The following YY1 variants were observed in gnomAD, a reference collection of about 807,000 sequenced individuals.
The protein encoded by YY1 is transcriptional repressor protein YY1.
YY1 carries 2 observed loss-of-function variants against 35.6 expected under a neutral mutation model. The observed-to-expected ratio is 0.06, with a 90% CI of 0.02 to 0.18. YY1 has a LOEUF of 0.18. Among genes scored for constraint, YY1 ranks in the 10% least tolerant of loss-of-function variants. The pLI is 1.00. For synonymous variants in YY1, 268 were observed against 238.9 expected, an observed-to-expected ratio of 1.12 and a Z score of -1.12; for missense variants, 322 against 573.4, an observed-to-expected ratio of 0.56 and a Z score of 4.48.
At chr14:100,258,798 A>G (rs993459025) in intron 1 of YY1, among the ~76,000 whole-genome samples, 6 of 152,240 alleles carry the variant, frequency 3.9e-5, no homozygotes, top group Admixed American at 3.3e-4. Flanking sequence ...TAGAATGAAG[A>G]GTGGTGGAAT....
At chr14:100,268,454 C>T (rs1180410408) in intron 2 of YY1, among the ~76,000 whole-genome samples, 1 of 152,150 alleles carries the variant, frequency 6.6e-6, no homozygotes, top group Admixed American at 6.5e-5. Flanking sequence ...TGTAAAGTGA[C>T]CACCTTTGTA....
chr14:100,276,785 C>G lies in YY1; in HGVS notation c.1062+137C>G. 1.5e-6 allele frequency: 2 copies of G among 1,343,112 alleles called. No individual in the cohort carries two copies. Among genetic ancestry groups the G allele is most frequent in the East Asian group, 2.4e-5 (1 of 42,066 alleles). The allele number at this position is 1,343,112 out of a possible 1,614,324, so 83.2% of individuals were successfully genotyped here. A position where few individuals can be genotyped will look rare whatever the true frequency, so the allele number is the denominator to read the frequency against. On this transcript the variant is annotated intron_variant, in intron 4 of 4. Transcript: ENST00000262238. This position sits in a 1 kb window ranked among gnomAD's most constrained non-coding sequence, Gnocchi z 4.1. ...TACTCCTTGGTGAGAAACAAAACTTCTCCTGGGGAGTCGCTTAGAAGGGTT... is the reference window on the plus strand; with the variant it reads ...TACTCCTTGGTGAGAAACAAAACTTGTCCTGGGGAGTCGCTTAGAAGGGTT...
intron 1 of YY1, among the ~76,000 whole-genome samples, chr14:100,244,354 TCTCA>T: frequency 7.5e-6 from 1 of 132,678 alleles, no homozygotes; most frequent in Admixed American, 8.0e-5. Flanking sequence ...GAGACAGGGG[TCTCA>T]CTCTGGCACC....
At chr14:100,271,610 C>CGAAATTT (rs1891239695) in intron 2 of YY1, among the ~76,000 whole-genome samples, 1 of 151,658 alleles carries the variant, frequency 6.6e-6, no homozygotes, top group African/African-American at 2.4e-5. Flanking sequence ...GGTTTAAATA[C>CGAAATTT]GAAATTTGAA....
Position 100,239,419 on chromosome 14 carries a change from CACGGCG to C in YY1, c.176_181del (p.His59_Gly61delinsArg), listed in dbSNP as rs760981182. On this transcript the variant is annotated inframe_deletion, in exon 1 of 5. Coordinates refer to ENST00000262238, the MANE Select transcript of YY1 (RefSeq NM_003403.5). ...CGACGAGGACGGCGGCGGTGGCGACCACGGCGGCGGGGGCGGCCACGGGCACGCCGG... is the reference window on the plus strand; with the variant it reads ...CGACGAGGACGGCGGCGGTGGCGACCGCGGGGGCGGCCACGGGCACGCCGG... The C allele has an allele frequency of 3.1e-5, 50 of 1,593,786 alleles. No homozygotes were observed. Among genetic ancestry groups the C allele is most frequent in the Non-Finnish European group, 4.0e-5 (47 of 1,171,852 alleles).
chr14:100,261,701 A>G (rs573413615), intron 1 of YY1, among the ~76,000 whole-genome samples: 3 of 152,330 alleles, frequency 2.0e-5, no homozygotes, highest in East Asian at 3.9e-4. Flanking sequence ...CCATGATACA[A>G]CTGGGGAGCT....
rs1891395096 is a variant in YY1 at position 100,280,230 on chromosome 14, A to G, written c.*2630A>G. On this transcript the variant is annotated 3_prime_UTR_variant, in exon 5 of 5. Coordinates refer to ENST00000262238, the MANE Select transcript of YY1 (RefSeq NM_003403.5). ...AATTTATAATTTTGCTAACGATGTA[A>G]TTTACTAAGGTTTGAAATGGTATTC... 1.3e-5 allele frequency: 2 copies of G among 152,190 alleles called. No homozygotes were observed. The highest frequency in any genetic ancestry group is 2.1e-4 in the South Asian group (1 of 4,834). 9.4% of individuals were successfully genotyped at this position (152,190 alleles called of 1,614,324 possible).
At chr14:100,246,211 G>T (rs539538699) in intron 1 of YY1, among the ~76,000 whole-genome samples, 2 of 152,312 alleles carry the variant, frequency 1.3e-5, no homozygotes, top group African/African-American at 4.8e-5. Flanking sequence ...TTCCATACAT[G>T]GGTTTTGTGA....
chr14:100,245,046 C>T (rs996817682), intron 1 of YY1, among the ~76,000 whole-genome samples: 11 of 152,146 alleles, frequency 7.2e-5, no homozygotes, highest in African/African-American at 2.2e-4. Context: ...ACACCATTCT[C>T]CTGCCTCAGC....
chr14:100,248,548 C>G (rs1027824644), intron 1 of YY1, among the ~76,000 whole-genome samples: 1 of 152,100 alleles, frequency 6.6e-6, no homozygotes, highest in African/African-American at 2.4e-5. Flanking sequence ...CTGGAGTGCA[C>G]TGGCTATTCA....
At chr14:100,240,045 T>C in intron 1 of YY1, 122 bp downstream of exon 1, 1 of 716,284 alleles carries the variant, frequency 1.4e-6, no homozygotes, top group Non-Finnish European at 1.8e-6. Context: ...CCCCAAAAGA[T>C]GGCGGGCCGT....
At chr14:100,247,331 C>T (rs1280160216) in intron 1 of YY1, among the ~76,000 whole-genome samples, 2 of 151,372 alleles carry the variant, frequency 1.3e-5, no homozygotes, top group African/African-American at 2.4e-5. Context: ...TCTCTCTGTG[C>T]TCTTACTACT....
In YY1 at chr14:100,239,935, C is replaced by T. The variant is rs1489350553; in HGVS notation, c.679+12C>T. On this transcript the variant is annotated intron_variant, in intron 1 of 4. Transcript: ENST00000262238. ...CATGTGGTCCTCAGGTGAGCGCCGG[C>T]CGCGCGCCCCGGCCCCGGGATGTTT... 2 of 1,516,204 alleles carry T rather than the reference C, an allele frequency of 1.3e-6. No homozygotes were observed. Among genetic ancestry groups the T allele is most frequent in the African/African-American group, 1.4e-5 (1 of 69,054 alleles). 93.9% of individuals were successfully genotyped at this position (1,516,204 alleles called of 1,614,324 possible).
At chr14:100,244,945 A>T (rs928302087) in intron 1 of YY1, among the ~76,000 whole-genome samples, 6 of 142,318 alleles carry the variant, frequency 4.2e-5, no homozygotes, top group East Asian at 4.2e-4. Flanking sequence ...TTTATTTCTT[A>T]TTTTTTTTTG....
At chr14:100,243,573 G>A (rs1451894753) in intron 1 of YY1, among the ~76,000 whole-genome samples, 1 of 151,798 alleles carries the variant, frequency 6.6e-6, no homozygotes, top group Non-Finnish European at 1.5e-5. Context: ...CAGGAGGATC[G>A]CTTAAGCCCA....
intron 1 of YY1, 49 bp downstream of exon 1, chr14:100,239,972 G>C: frequency 6.7e-7 from 1 of 1,498,408 alleles, no homozygotes; most frequent in Non-Finnish European, 8.9e-7. Context: ...TGTTTTGAAG[G>C]GAAGCCATGT....
intron 1 of YY1, among the ~76,000 whole-genome samples, chr14:100,249,344 C>T (rs1425475150): frequency 6.6e-6 from 1 of 151,974 alleles, no homozygotes; most frequent in African/African-American, 2.4e-5. Context: ...TGGTCTTGAA[C>T]TCCTGACCTC....
chr14:100,268,296 A>G (rs960299012), intron 2 of YY1, among the ~76,000 whole-genome samples: 3 of 152,226 alleles, frequency 2.0e-5, no homozygotes, highest in Non-Finnish European at 4.4e-5. Context: ...ACATACGCAC[A>G]TGGGCAAAAT....
At chr14:100,265,805 TA>T (rs1371766148) in intron 2 of YY1, among the ~76,000 whole-genome samples, 1 of 152,000 alleles carries the variant, frequency 6.6e-6, no homozygotes, top group Non-Finnish European at 1.5e-5. Flanking sequence ...CCTGCCACCG[TA>T]CCCGGCTAAT....
Sources: allele counts gnomAD v4.1 joint callset (sites outside exome capture counted in the v4.1 genomes callset), GRCh38; gene constraint gnomAD v4.1.1; non-coding constraint Gnocchi (gnomAD v3.1); transcripts MANE v1.5; gene names NCBI Gene and HGNC (gene_info 2026-07-23, HGNC 2026-07-21).